SYN2: variants seen among roughly 807,000 people sequenced by gnomAD.
SYN2 encodes the protein synapsin II.
In SYN2, 19 loss-of-function variants were observed where a neutral mutation model predicts 50.9. That is an observed-to-expected ratio of 0.37 (90% CI 0.26 to 0.55). The LOEUF (loss-of-function observed/expected upper bound fraction) is 0.55. Among genes scored for constraint, SYN2 ranks in the 20% least tolerant of loss-of-function variants. The pLI is 0.81. For synonymous variants in SYN2, 255 were observed against 224.9 expected (o/e 1.13, Z -1.20); for missense variants, 587 against 576.4 (o/e 1.02, Z -0.19).
intron 1 of SYN2, among the ~76,000 whole-genome samples, chr3:12,011,827 C>G (rs570087742): frequency 6.6e-6 from 1 of 152,302 alleles, no homozygotes; most frequent in East Asian, 1.9e-4. Flanking sequence ...AAATTAGTTT[C>G]ATTACCTGTA....
At chr3:12,082,599 A>G (rs1309453135) in intron 1 of SYN2, among the ~76,000 whole-genome samples, 1 of 152,240 alleles carries the variant, frequency 6.6e-6, no homozygotes. Flanking sequence ...AGAAGTAAGT[A>G]TTACCTTTTT....
intron 5 of SYN2, among the ~76,000 whole-genome samples, chr3:12,152,691 C>A (rs1697335957): frequency 6.6e-6 from 1 of 152,118 alleles, no homozygotes; most frequent in Admixed American, 6.6e-5. Context: ...AGGGGGATTT[C>A]AGCTCTGTAA....
At chr3:12,147,601 A>G (rs1423108189) in intron 4 of SYN2, among the ~76,000 whole-genome samples, 1 of 152,078 alleles carries the variant, frequency 6.6e-6, no homozygotes, top group Admixed American at 6.5e-5. Context: ...ACGTGTCCTA[A>G]CCCACGTGCA....
intron 1 of SYN2, among the ~76,000 whole-genome samples, chr3:12,015,455 T>G (rs1694007945): frequency 1.3e-5 from 2 of 152,194 alleles, no homozygotes; most frequent in South Asian, 4.1e-4. Flanking sequence ...TGAAAAAAAT[T>G]ATGAAAATAT....
At chr3:12,025,972 C>T (rs1026341779) in intron 1 of SYN2, among the ~76,000 whole-genome samples, 5 of 152,148 alleles carry the variant, frequency 3.3e-5, no homozygotes, top group African/African-American at 1.2e-4. Flanking sequence ...TAGCTTTTTT[C>T]CCCCTAAGAA....
intron 1 of SYN2, among the ~76,000 whole-genome samples, chr3:12,067,591 G>A (rs1483671226): frequency 1.4e-5 from 2 of 147,250 alleles, no homozygotes; most frequent in East Asian, 2.0e-4. Flanking sequence ...CATATTACAA[G>A]CTCCAGACTC....
At chr3:12,094,348 C>A (rs980094537) in intron 1 of SYN2, among the ~76,000 whole-genome samples, 2 of 152,060 alleles carry the variant, frequency 1.3e-5, no homozygotes, top group Non-Finnish European at 2.9e-5. Flanking sequence ...TAAAAGACAA[C>A]ATTTATTGAA....
chr3:12,179,374 GAAAAAAAAAA>G (rs536283283), intron 10 of SYN2, among the ~76,000 whole-genome samples: 1 of 92,564 alleles, frequency 1.1e-5, no homozygotes, highest in Non-Finnish European at 2.1e-5. Context: ...AGAACTGAAA[GAAAAAAAAAA>G]AAAAAAAAAA....
At chr3:12,168,296 G>T in intron 8 of SYN2, 80 bp from the exon 9 acceptor site, 2 of 1,132,436 alleles carry the variant, frequency 1.8e-6, no homozygotes, top group Non-Finnish European at 2.6e-6. Context: ...GATGGAGGCA[G>T]CAAGGAGAGC....
chr3:12,027,887 A>G (rs1473725753), intron 1 of SYN2, among the ~76,000 whole-genome samples: 2 of 152,270 alleles, frequency 1.3e-5, no homozygotes, highest in Non-Finnish European at 2.9e-5. Flanking sequence ...GCTTTGGAGA[A>G]TCAACATTTA....
At chr3:12,033,059 G>A (rs1446181164) in intron 1 of SYN2, among the ~76,000 whole-genome samples, 1 of 148,468 alleles carries the variant, frequency 6.7e-6, no homozygotes, top group African/African-American at 2.5e-5. Flanking sequence ...ATGGGTTTTC[G>A]GTGTGGATGT....
intron 1 of SYN2, among the ~76,000 whole-genome samples, chr3:12,042,584 A>G (rs1574905178): frequency 6.6e-6 from 1 of 152,310 alleles, no homozygotes; most frequent in East Asian, 1.9e-4. Context: ...GGATCTAAAG[A>G]AGGAGGGTGT....
intron 1 of SYN2, among the ~76,000 whole-genome samples, chr3:12,088,942 T>C (rs1470114344): frequency 1.3e-5 from 2 of 152,134 alleles, no homozygotes; most frequent in African/African-American, 2.4e-5. Flanking sequence ...GAGGAATAAG[T>C]TATAGTGATC....
chr3:12,057,325 A>ATGTGTGTG (rs1281007645), intron 1 of SYN2, among the ~76,000 whole-genome samples: 1 of 130,316 alleles, frequency 7.7e-6, no homozygotes, highest in Non-Finnish European at 1.5e-5. Flanking sequence ...GTGTGTGTGT[A>ATGTGTGTG]TACTTTTTGA....
intron 1 of SYN2, among the ~76,000 whole-genome samples, chr3:12,008,041 G>T (rs1334101891): frequency 3.9e-5 from 6 of 152,120 alleles, no homozygotes; most frequent in Non-Finnish European, 8.8e-5. Context: ...CCTCTTTTAA[G>T]GTTCATGGCT....
chr3:12,014,715 T>C (rs1339832270), intron 1 of SYN2, among the ~76,000 whole-genome samples: 1 of 152,204 alleles, frequency 6.6e-6, no homozygotes, highest in Non-Finnish European at 1.5e-5. Context: ...TTCTCTTTAG[T>C]GAAAAAGTTC....
At chr3:12,076,731 C>G (rs1449052322) in intron 1 of SYN2, among the ~76,000 whole-genome samples, 1 of 152,112 alleles carries the variant, frequency 6.6e-6, no homozygotes, top group Admixed American at 6.6e-5. Context: ...GTTGTACAGT[C>G]TCACATGGCT....
Position 12,153,437 on chromosome 3 carries a change from T to C in SYN2, c.774+2111T>C, listed in dbSNP as rs1266820030. Reference sequence around the variant, plus strand: ...CTGGCAGCAAGAGGTCAGGTGGTAATGGCCAAAGCTCTGCAGGGAAGGAGA... The same window carrying C: ...CTGGCAGCAAGAGGTCAGGTGGTAACGGCCAAAGCTCTGCAGGGAAGGAGA... On this transcript the variant is annotated intron_variant, in intron 5 of 12. Coordinates refer to ENST00000621198, the MANE Select transcript of SYN2 (RefSeq NM_133625.6). 2.6e-6 allele frequency: 4 copies of C among 1,536,294 alleles called. No homozygotes were observed. In the African/African-American group the frequency reaches 5.5e-5, roughly 21 times the overall value.
intron 1 of SYN2, among the ~76,000 whole-genome samples, chr3:12,020,000 C>A (rs1218854136): frequency 6.6e-6 from 1 of 152,126 alleles, no homozygotes; most frequent in Non-Finnish European, 1.5e-5. Flanking sequence ...CTTAAGATGG[C>A]AAGAGCCTGT....
Sources: allele counts gnomAD v4.1 joint callset (sites outside exome capture counted in the v4.1 genomes callset), GRCh38; gene constraint gnomAD v4.1.1; transcripts MANE v1.5; gene names NCBI Gene and HGNC (gene_info 2026-07-23, HGNC 2026-07-21).